KCMF1: variants seen among roughly 807,000 people sequenced by gnomAD.
KCMF1 encodes the protein potassium channel modulatory factor 1.
In KCMF1, 3 loss-of-function variants were observed where a neutral mutation model predicts 41.1. The observed-to-expected ratio is 0.07, with a 90% CI of 0.03 to 0.19. The LOEUF is 0.19. Among genes scored for constraint, KCMF1 ranks in the 10% least tolerant of loss-of-function variants. The pLI is 1.00. For missense variants in KCMF1, 286 were observed against 488.9 expected (o/e 0.58, Z 3.91); for synonymous variants, 142 against 164.5 (o/e 0.86, Z 1.04).
At chr2:85,010,867 C>T (rs1432871517) in intron 1 of KCMF1, among the ~76,000 whole-genome samples, 5 of 144,142 alleles carry the variant, frequency 3.5e-5, no homozygotes, top group African/African-American at 1.3e-4. Context: ...TTTTTTGAGA[C>T]GGAGTCTCAC....
At chr2:85,034,670 G>A (rs1675364230) in intron 2 of KCMF1, among the ~76,000 whole-genome samples, 1 of 152,130 alleles carries the variant, frequency 6.6e-6, no homozygotes, top group Non-Finnish European at 1.5e-5. Context: ...ACTTTCTTTT[G>A]GAGTGCAGTG....
chr2:85,044,220 G>A (rs1417478695), intron 4 of KCMF1, among the ~76,000 whole-genome samples: 3 of 152,124 alleles, frequency 2.0e-5, no homozygotes, highest in Non-Finnish European at 4.4e-5. Flanking sequence ...TGTTGTGGGT[G>A]TGGTGTGGTG....
chr2:85,005,032 A>G (rs747844441), intron 1 of KCMF1, among the ~76,000 whole-genome samples: 12 of 151,716 alleles, frequency 7.9e-5, no homozygotes, highest in Non-Finnish European at 1.5e-4. Flanking sequence ...TCAGCCTCCC[A>G]AGTAGCTGGG....
intron 1 of KCMF1, among the ~76,000 whole-genome samples, chr2:85,016,836 C>T (rs928100189): frequency 6.6e-6 from 1 of 151,796 alleles, no homozygotes; most frequent in Non-Finnish European, 1.5e-5. Flanking sequence ...ATTACAGGCA[C>T]CCGCCATCAC....
intron 1 of KCMF1, among the ~76,000 whole-genome samples, chr2:85,024,397 C>T (rs531721458): frequency 6.6e-6 from 1 of 152,168 alleles, no homozygotes; most frequent in Non-Finnish European, 1.5e-5. Flanking sequence ...TGCTTGAACC[C>T]AGGAGGCGGA....
At chr2:85,025,387 T>G (rs1298124117) in intron 1 of KCMF1, among the ~76,000 whole-genome samples, 1 of 152,304 alleles carries the variant, frequency 6.6e-6, no homozygotes. Flanking sequence ...TAAAATTTAT[T>G]TTAACCCCTT....
At chr2:85,037,543 A>G (rs1387791820) in intron 3 of KCMF1, among the ~76,000 whole-genome samples, 1 of 152,156 alleles carries the variant, frequency 6.6e-6, no homozygotes, top group East Asian at 1.9e-4. Flanking sequence ...TTATATGTAA[A>G]TGTCCAGGTG....
rs564081016 is a variant in KCMF1, at chr2:85,011,131, G to A, written c.17-16758G>A. ...GCTTGGATTACAGACGTGAGCCACC[G>A]TGCCCGGCCAGTCTATTACTTTTAT... On this transcript the variant is annotated intron_variant, in intron 1 of 6. Transcript: ENST00000409785. Among the ~76,000 whole-genome samples the A allele has an allele frequency of 4.6e-5, 7 of 152,180 alleles. No individual in the cohort carries two copies. The South Asian group carries it at 8.3e-4, about 18-fold the overall frequency.
chr2:84,993,116 G>T (rs1307917871), intron 1 of KCMF1, among the ~76,000 whole-genome samples: 2 of 151,940 alleles, frequency 1.3e-5, no homozygotes, highest in Non-Finnish European at 1.5e-5. Context: ...GAGCCCAGGA[G>T]GTGGAGGCTG....
chr2:85,049,359 T>C lies in KCMF1; in HGVS notation c.602-7T>C. 5 of 1,610,994 alleles carry C rather than the reference T, an allele frequency of 3.1e-6. No homozygotes were observed. The highest frequency in any genetic ancestry group is 4.2e-6 in the Non-Finnish European group (5 of 1,177,270). ...CAGACATTAATTGTCTTCATTTCCA[T>C]TGGCAGAGCTTTTATCTCAGTTATC... On this transcript the variant is annotated splice_polypyrimidine_tract_variant and splice_region_variant and intron_variant, in intron 5 of 6. Coordinates refer to ENST00000409785, the MANE Select transcript of KCMF1 (RefSeq NM_020122.5).
At chr2:85,002,522 T>C (rs1429026551) in intron 1 of KCMF1, among the ~76,000 whole-genome samples, 2 of 152,214 alleles carry the variant, frequency 1.3e-5, no homozygotes, top group Non-Finnish European at 2.9e-5. Flanking sequence ...GTTAATAGTT[T>C]GCATTACATT....
chr2:85,009,023 C>T (rs946391419), intron 1 of KCMF1, among the ~76,000 whole-genome samples: 2 of 152,072 alleles, frequency 1.3e-5, no homozygotes, highest in Non-Finnish European at 2.9e-5. Flanking sequence ...AGCCACCATG[C>T]CCAGCCTTGA....
intron 1 of KCMF1, among the ~76,000 whole-genome samples, chr2:84,987,766 G>A (rs1673940732): frequency 6.6e-6 from 1 of 152,198 alleles, no homozygotes; most frequent in Admixed American, 6.5e-5. Flanking sequence ...AGAGAAGGGA[G>A]AAGTATGTTC....
intron 1 of KCMF1, among the ~76,000 whole-genome samples, chr2:84,999,934 C>T (rs1674286155): frequency 6.6e-6 from 1 of 151,582 alleles, no homozygotes; most frequent in South Asian, 2.1e-4. Flanking sequence ...TTAAATGTCC[C>T]CTGGAGAAAA....
rs1675993895 is a variant in KCMF1, at chr2:85,058,557, C to T, written c.*5148C>T. On this transcript the variant is annotated 3_prime_UTR_variant, in exon 7 of 7. Coordinates refer to ENST00000409785, the MANE Select transcript of KCMF1 (RefSeq NM_020122.5). ...GCATGTAGCCTGTAGAATGTTGGCT[C>T]CTCTGTCTATAGAAACCATCAGTTC... 1 of 152,178 alleles carries T rather than the reference C, an allele frequency of 6.6e-6. No individual in the cohort carries two copies. The highest frequency in any genetic ancestry group is 2.4e-5 in the African/African-American group (1 of 41,430). The allele number at this position is 152,178 out of a possible 1,614,324, so 9.4% of individuals were successfully genotyped here.
chr2:85,026,492 A>ATTATTATTATTTTTTTTT (rs146823537), intron 1 of KCMF1, among the ~76,000 whole-genome samples: 3 of 143,142 alleles, frequency 2.1e-5, no homozygotes, highest in African/African-American at 8.0e-5. Flanking sequence ...TATTATTATT[A>ATTATTATTATTTTTTTTT]TTATTTTTAT....
rs575141111 is a variant in KCMF1 at position 85,044,864 on chromosome 2, T to C, written c.426+1199T>C. Among the ~76,000 whole-genome samples, 78 of 152,352 alleles carry C rather than the reference T, an allele frequency of 5.1e-4. 1 individual carries two copies. The highest frequency in any genetic ancestry group is 2.5e-3 in the East Asian group (13 of 5,188). ...CCCTTCCTTGTCTCTCAACAGTTTC[T>C]GGCAGTGTTCCCTGAGATTACTGGC... is the stretch of plus-strand genomic sequence containing the variant. On this transcript the variant is annotated intron_variant, in intron 4 of 6. Transcript: ENST00000409785.
intron 1 of KCMF1, among the ~76,000 whole-genome samples, chr2:85,003,591 CATTTT>C (rs1227577035): frequency 6.6e-6 from 1 of 151,900 alleles, no homozygotes; most frequent in African/African-American, 2.4e-5. Context: ...TGTTTGCTGT[CATTTT>C]ATTTTTTTTA....
At chr2:84,983,467 C>T (rs1463422214) in intron 1 of KCMF1, among the ~76,000 whole-genome samples, 2 of 151,986 alleles carry the variant, frequency 1.3e-5, no homozygotes, top group Non-Finnish European at 2.9e-5. Flanking sequence ...GATAGGACTA[C>T]AGACATGTGC....
Sources: allele counts gnomAD v4.1 joint callset (sites outside exome capture counted in the v4.1 genomes callset), GRCh38; gene constraint gnomAD v4.1.1; transcripts MANE v1.5; gene names NCBI Gene and HGNC (gene_info 2026-07-23, HGNC 2026-07-21).